Variants in SLC9C1 observed in about 807,000 individuals in gnomAD.
SLC9C1 encodes the protein solute carrier family 9 member C1.
Under a neutral mutation model 140.9 loss-of-function variants are expected in SLC9C1, and 97 were observed. The ratio of observed to expected loss-of-function variants is 0.69; its 90% CI spans 0.58 to 0.82. SLC9C1 has a LOEUF of 0.82. SLC9C1 is among the 40% of genes least tolerant of loss of function. SLC9C1 has a pLI of 0.00. For missense variants in SLC9C1, 1,340 were observed against 1,389.3 expected (o/e 0.96, Z 0.56); for synonymous variants, 440 against 442.6 (o/e 0.99, Z 0.07).
intron 20 of SLC9C1, among the ~76,000 whole-genome samples, chr3:112,186,227 TA>T (rs1343350239): frequency 7.0e-6 from 1 of 143,610 alleles, no homozygotes; most frequent in Admixed American, 7.2e-5. Flanking sequence ...TTCTTAATTT[TA>T]ATGTTATTAA....
intron 17 of SLC9C1, among the ~76,000 whole-genome samples, chr3:112,203,535 G>C (rs2077963116): frequency 7.0e-6 from 1 of 143,412 alleles, no homozygotes; most frequent in African/African-American, 2.6e-5. Context: ...GATTCTATTA[G>C]TTTTATCTCC....
At chr3:112,261,847 C>G (rs1001672477) in intron 10 of SLC9C1, among the ~76,000 whole-genome samples, 2 of 151,964 alleles carry the variant, frequency 1.3e-5, no homozygotes, top group African/African-American at 4.8e-5. Flanking sequence ...AAGTAGTGTG[C>G]TAGGCTGGCT....
intron 16 of SLC9C1, among the ~76,000 whole-genome samples, chr3:112,207,364 C>G (rs566359517): frequency 6.6e-6 from 1 of 152,154 alleles, no homozygotes; most frequent in South Asian, 2.1e-4. Context: ...TCAGCAGCTA[C>G]CTATATGATC....
At chr3:112,264,398 T>TA in intron 8 of SLC9C1, 55 bp from the exon 9 acceptor site, 2 of 1,067,752 alleles carry the variant, frequency 1.9e-6, no homozygotes, top group Non-Finnish European at 2.5e-6. Context: ...TTGACATCTT[T>TA]ATTACAAGGT....
chr3:112,231,121 C>T (rs1337727791), intron 13 of SLC9C1, among the ~76,000 whole-genome samples: 2 of 96,664 alleles, frequency 2.1e-5, no homozygotes, highest in African/African-American at 6.6e-5. Context: ...CTCTGTCTTT[C>T]GTCTCTCTCT....
intron 10 of SLC9C1, among the ~76,000 whole-genome samples, chr3:112,252,727 C>T (rs116508241): frequency 1.3e-5 from 2 of 152,084 alleles, no homozygotes; most frequent in Admixed American, 1.3e-4. Context: ...TGCCTTCAGG[C>T]TTTAGAGAGT....
At chr3:112,160,238 TTTTA>T (rs1482172140) in intron 26 of SLC9C1, among the ~76,000 whole-genome samples, 1 of 151,072 alleles carries the variant, frequency 6.6e-6, no homozygotes, top group African/African-American at 2.4e-5. Flanking sequence ...TGTATTTATT[TTTTA>T]TTTTTATTTA....
chr3:112,234,771 A>G (rs980121436), intron 12 of SLC9C1, among the ~76,000 whole-genome samples: 2 of 152,144 alleles, frequency 1.3e-5, no homozygotes, highest in Non-Finnish European at 2.9e-5. Flanking sequence ...CAAGTTTGTC[A>G]AAGATCAGAT....
Position 112,179,651 on chromosome 3 carries a change from C to A in SLC9C1, c.2799G>T (p.Lys933Asn). 1 of 1,611,292 alleles carries A rather than the reference C, an allele frequency of 6.2e-7. No individual in the cohort carries two copies. The highest frequency in any genetic ancestry group is 8.5e-7 in the Non-Finnish European group (1 of 1,178,946). Residue 933 changes from lysine to asparagine, a missense_variant, in exon 23 of 29, where the codon AAG (lysine) becomes AAT (asparagine). Transcript: ENST00000305815. ...GLGIDQMVES[K>N]EKDFPIIDTD... ...TGTCAATTATCGGAAAATCTTTCTC[C>A]TTTGACTCCACCATTTGATCAATCC...
chr3:112,272,589 G>T (rs1040174845), intron 6 of SLC9C1, among the ~76,000 whole-genome samples: 3 of 152,118 alleles, frequency 2.0e-5, no homozygotes, highest in Non-Finnish European at 2.9e-5. Context: ...GTATTTCAAA[G>T]GTGTTGAAGT....
At chr3:112,226,920 A>G (rs2078698043) in intron 13 of SLC9C1, among the ~76,000 whole-genome samples, 1 of 152,158 alleles carries the variant, frequency 6.6e-6, no homozygotes, top group South Asian at 2.1e-4. Flanking sequence ...AATAAGAAAA[A>G]ATTAACAAAC....
intron 1 of SLC9C1, among the ~76,000 whole-genome samples, chr3:112,288,012 C>G (rs6768492): frequency 0.032 from 3,929 of 123,406 alleles, 93 homozygotes; most frequent in Middle Eastern, 0.08. Context: ...CACTGCACTC[C>G]AGCTTGGGCC....
intron 7 of SLC9C1, among the ~76,000 whole-genome samples, chr3:112,267,575 CA>C (rs71933510): frequency 1.9e-3 from 110 of 56,840 alleles, no homozygotes; most frequent in African/African-American, 7.3e-3. Flanking sequence ...GACTCCGTCT[CA>C]AAAAAAAAAA....
chr3:112,196,957 TA>T (rs34274658), intron 20 of SLC9C1, among the ~76,000 whole-genome samples: 76,885 of 148,278 alleles, frequency 0.52, 19,866 homozygotes, highest in African/African-American at 0.53. Flanking sequence ...CCTTGTGATT[TA>T]AAAAAAAAAA....
At position 112,200,601 on chromosome 3, in the gene SLC9C1, T is replaced by C. The variant is rs80153532; in HGVS notation, c.2374+110A>G. ...TTGTTGAGGTTACTCACTTCAGTAT[T>C]GTTAGTGAGTAGGTTTCCTCAAAGA... is the stretch of plus-strand genomic sequence containing the variant. On this transcript the variant is annotated intron_variant, in intron 19 of 28. Coordinates refer to ENST00000305815, the MANE Select transcript of SLC9C1 (RefSeq NM_183061.3). 1.0e-3 allele frequency: 923 copies of C among 880,350 alleles called. 11 individuals are homozygous for C. The African/African-American group carries it at 0.014, about 14-fold the overall frequency. The allele number at this position is 880,350 out of a possible 1,614,324, so 54.5% of individuals were successfully genotyped here.
Position 112,274,788 on chromosome 3 carries a change from A to G in SLC9C1, c.613+109T>C, listed in dbSNP as rs923460592. ...GTAAGTCACTAAACCAATACTCACT[A>G]TTATATTCCTACAAATATAACTTAT... is the stretch of plus-strand genomic sequence containing the variant. On this transcript the variant is annotated intron_variant, in intron 6 of 28. Coordinates refer to ENST00000305815, the MANE Select transcript of SLC9C1 (RefSeq NM_183061.3). The G allele has an allele frequency of 8.4e-6, 9 of 1,076,918 alleles. No homozygotes were observed. The Admixed American group carries it at 2.5e-4, about 30-fold the overall frequency. The allele number at this position is 1,076,918 out of a possible 1,614,324, so 66.7% of individuals were successfully genotyped here.
intron 26 of SLC9C1, among the ~76,000 whole-genome samples, chr3:112,158,690 C>A (rs1388576344): frequency 6.6e-5 from 10 of 151,680 alleles, no homozygotes. Flanking sequence ...TGGCTTTGAT[C>A]TTGTTATGTG....
chr3:112,172,841 A>G (rs926622859), intron 23 of SLC9C1, among the ~76,000 whole-genome samples: 1 of 152,078 alleles, frequency 6.6e-6, no homozygotes, highest in Non-Finnish European at 1.5e-5. Flanking sequence ...TTGAATCACA[A>G]TGGTTGATTT....
intron 26 of SLC9C1, among the ~76,000 whole-genome samples, chr3:112,159,548 G>T (rs2107879353): frequency 6.6e-6 from 1 of 152,218 alleles, no homozygotes; most frequent in East Asian, 1.9e-4. Flanking sequence ...GCAGTTGAAT[G>T]AAATACTCTG....
Sources: gnomAD v4.1 joint callset for allele counts (sites outside exome capture counted in the v4.1 genomes callset) on GRCh38, gnomAD v4.1.1 for gene constraint, MANE v1.5 for transcripts, NCBI Gene and HGNC (gene_info 2026-07-23, HGNC 2026-07-21) for gene names.